The following DGKI variants were observed in gnomAD, a reference collection of about 807,000 sequenced individuals.
DGKI encodes DAG kinase iota.
A neutral mutation model predicts 147.5 loss-of-function variants in DGKI; 55 were observed. The ratio of observed to expected loss-of-function variants is 0.37; its 90% CI spans 0.30 to 0.47. DGKI has a LOEUF of 0.47. Among genes scored for constraint, DGKI ranks in the 20% least tolerant of loss-of-function variants. The probability of loss-of-function intolerance (pLI) is 1.00; values close to 1 mark genes in which losing one functional copy is unlikely to be tolerated. For synonymous variants in DGKI, 469 were observed against 477.1 expected (o/e 0.98, Z 0.22); for missense variants, 1,007 against 1,323.8 (o/e 0.76, Z 3.71).
chr7:137,476,605 T>C (rs1815180459), intron 23 of DGKI, among the ~76,000 whole-genome samples: 1 of 152,204 alleles, frequency 6.6e-6, no homozygotes, highest in Admixed American at 6.5e-5. Context: ...TAGGCTACAG[T>C]CTCAATAATA....
At chr7:137,445,549 T>TG (rs1232290689) in intron 27 of DGKI, among the ~76,000 whole-genome samples, 1 of 152,194 alleles carries the variant, frequency 6.6e-6, no homozygotes, top group Non-Finnish European at 1.5e-5. Context: ...CCTTTCTCAC[T>TG]GGGTTGTAAC....
chr7:137,823,733 G>A (rs1421564613), intron 1 of DGKI, among the ~76,000 whole-genome samples: 1 of 152,108 alleles, frequency 6.6e-6, no homozygotes, highest in Non-Finnish European at 1.5e-5. Context: ...GTTCAGACAG[G>A]GCAAGATGAT....
rs1443815317 is a variant in DGKI at position 137,548,854 on chromosome 7, G to A, written c.2147+3515C>T. Among the ~76,000 whole-genome samples the A allele has an allele frequency of 5.3e-5, 8 of 152,078 alleles. 1 individual carries two copies. The highest frequency in any genetic ancestry group is 1.3e-4 in the Admixed American group (2 of 15,270). Reference sequence around the variant, plus strand: ...CGCACACCTGTTGTCCCAGCTACTCGTGAAGCTGAGGCAGGAGAATCACTT... The same window carrying A: ...CGCACACCTGTTGTCCCAGCTACTCATGAAGCTGAGGCAGGAGAATCACTT... On this transcript the variant is annotated intron_variant, in intron 20 of 32. Coordinates refer to ENST00000614521, the MANE Select transcript of DGKI (RefSeq NM_001321708.2).
intron 28 of DGKI, among the ~76,000 whole-genome samples, chr7:137,418,131 T>C (rs1376684748): frequency 6.6e-6 from 1 of 152,292 alleles, no homozygotes; most frequent in East Asian, 1.9e-4. Context: ...ATCTGGCTTA[T>C]TATTAGGAAG....
chr7:137,584,713 T>A (rs1431043232), intron 14 of DGKI, among the ~76,000 whole-genome samples: 2 of 152,184 alleles, frequency 1.3e-5, no homozygotes, highest in East Asian at 1.9e-4. Flanking sequence ...AATTTTTTTT[T>A]AAATAACATG....
chr7:137,647,908 G>C (rs947908038), intron 5 of DGKI, among the ~76,000 whole-genome samples: 2 of 152,190 alleles, frequency 1.3e-5, no homozygotes, highest in Non-Finnish European at 2.9e-5. Flanking sequence ...TCATTTTACA[G>C]ATAAGGAAAC....
chr7:137,780,946 T>G (rs772232374), intron 1 of DGKI, among the ~76,000 whole-genome samples: 1 of 152,138 alleles, frequency 6.6e-6, no homozygotes, highest in Non-Finnish European at 1.5e-5. Flanking sequence ...AAGAGGGACT[T>G]TAAAAAGGCA....
chr7:137,394,921 A>G (rs1263967789), intron 32 of DGKI, among the ~76,000 whole-genome samples: 1 of 152,186 alleles, frequency 6.6e-6, no homozygotes, highest in Non-Finnish European at 1.5e-5. Flanking sequence ...AATTTAATTT[A>G]AGCCTCAGCT....
chr7:137,435,769 T>C (rs1393893545), intron 28 of DGKI, among the ~76,000 whole-genome samples: 2 of 152,194 alleles, frequency 1.3e-5, no homozygotes, highest in Non-Finnish European at 2.9e-5. Flanking sequence ...CATATTTCCA[T>C]CTGTAACATC....
intron 1 of DGKI, among the ~76,000 whole-genome samples, chr7:137,738,310 A>G (rs1795081198): frequency 6.6e-6 from 1 of 152,118 alleles, no homozygotes; most frequent in Admixed American, 6.6e-5. Flanking sequence ...CTACTAGGAG[A>G]GACACATATT....
At chr7:137,470,664 C>T (rs1215239536) in intron 23 of DGKI, among the ~76,000 whole-genome samples, 1 of 152,040 alleles carries the variant, frequency 6.6e-6, no homozygotes, top group Non-Finnish European at 1.5e-5. Context: ...GTTTCCTGGG[C>T]TCAGGTGATC....
At chr7:137,399,443 G>A (rs527708897) in intron 30 of DGKI, among the ~76,000 whole-genome samples, 14 of 152,254 alleles carry the variant, frequency 9.2e-5, no homozygotes, top group Non-Finnish European at 1.8e-4. Context: ...AAAGTGCAGA[G>A]CAGCACAGGA....
intron 12 of DGKI, among the ~76,000 whole-genome samples, chr7:137,588,357 T>A (rs910511764): frequency 1.3e-5 from 2 of 151,766 alleles, no homozygotes; most frequent in African/African-American, 4.9e-5. Context: ...CACTACTTCA[T>A]ATAAAACCCA....
chr7:137,405,722 C>T (rs1811919986), intron 30 of DGKI, among the ~76,000 whole-genome samples: 6 of 152,144 alleles, frequency 3.9e-5, no homozygotes, highest in Non-Finnish European at 8.8e-5. Flanking sequence ...GGAGCTTCCA[C>T]TCTCACCCCT....
At chr7:137,523,429 T>C (rs1817032728) in intron 20 of DGKI, among the ~76,000 whole-genome samples, 1 of 142,066 alleles carries the variant, frequency 7.0e-6, no homozygotes, top group Admixed American at 6.8e-5. Context: ...GCATTCTCTC[T>C]CTCTTTCTCT....
chr7:137,624,680 C>G (rs1214521984), intron 6 of DGKI, among the ~76,000 whole-genome samples: 1 of 152,072 alleles, frequency 6.6e-6, no homozygotes, highest in African/African-American at 2.4e-5. Flanking sequence ...TCTCGTCTCA[C>G]TGCAAGCTCC....
At chr7:137,643,325 A>C (rs1206389851) in intron 6 of DGKI, among the ~76,000 whole-genome samples, 1 of 149,914 alleles carries the variant, frequency 6.7e-6, no homozygotes, top group Non-Finnish European at 1.5e-5. Context: ...AAGTCTATGA[A>C]TATGAATAAG....
At chr7:137,508,230 T>C (rs1384955982) in intron 21 of DGKI, among the ~76,000 whole-genome samples, 1 of 140,296 alleles carries the variant, frequency 7.1e-6, no homozygotes, top group African/African-American at 2.7e-5. Context: ...TTTTTTTTTT[T>C]TTTTTTTTTT....
intron 6 of DGKI, among the ~76,000 whole-genome samples, chr7:137,633,579 G>A (rs1314862064): frequency 6.6e-6 from 1 of 152,158 alleles, no homozygotes; most frequent in Non-Finnish European, 1.5e-5. Context: ...AGGCAGAGGT[G>A]GTGTACTCCA....
Sources: gnomAD v4.1 joint callset for allele counts (sites outside exome capture counted in the v4.1 genomes callset) on GRCh38, gnomAD v4.1.1 for gene constraint, MANE v1.5 for transcripts, NCBI Gene and HGNC (gene_info 2026-07-23, HGNC 2026-07-21) for gene names.